Variants in VPS13D observed in about 807,000 individuals in gnomAD.
VPS13D encodes vacuolar protein sorting 13 homolog D, also known as intermembrane lipid transfer protein VPS13D.
In VPS13D, 187 loss-of-function variants were observed where a neutral mutation model predicts 461.9. That is an observed-to-expected ratio of 0.40 (90% CI 0.36 to 0.46). The LOEUF (loss-of-function observed/expected upper bound fraction) is 0.46, where lower values mean the gene tolerates loss of function less well. Ranked by LOEUF, VPS13D falls within the 20% of genes least tolerant of loss-of-function variation. The pLI is 0.60. For synonymous variants in VPS13D, 1,951 were observed against 1,986.3 expected (o/e 0.98, Z 0.47); for missense variants, 4,711 against 5,364.9 (o/e 0.88, Z 3.81).
chr1:12,248,325 G>GTTATTA (rs753982925), intron 5 of VPS13D, among the ~76,000 whole-genome samples: 29 of 150,822 alleles, frequency 1.9e-4, no homozygotes, highest in East Asian at 1.4e-3. Context: ...TTTACTTTCT[G>GTTATTA]TTATTATTAT....
At chr1:12,411,926 CTT>C (rs1405385207) in intron 63 of VPS13D, among the ~76,000 whole-genome samples, 1 of 152,220 alleles carries the variant, frequency 6.6e-6, no homozygotes, top group East Asian at 1.9e-4. Context: ...TCCAAGCTCT[CTT>C]GAGGCTCAGG....
At chr1:12,403,019 C>T (rs148520660) in intron 62 of VPS13D, among the ~76,000 whole-genome samples, 218 of 152,346 alleles carry the variant, frequency 1.4e-3, no homozygotes, top group Non-Finnish European at 2.6e-3. Context: ...GCTTCCTCAG[C>T]ATAAATGGGC....
intron 64 of VPS13D, among the ~76,000 whole-genome samples, chr1:12,416,133 C>T (rs565885011): frequency 5.9e-5 from 9 of 152,308 alleles, no homozygotes; most frequent in South Asian, 4.1e-4. Context: ...CAGTGAGCCA[C>T]GGTGATGCCA....
intron 16 of VPS13D, among the ~76,000 whole-genome samples, chr1:12,269,414 A>G (rs1641368543): frequency 6.6e-6 from 1 of 152,270 alleles, no homozygotes; most frequent in South Asian, 2.1e-4. Context: ...ATGTTCAGCC[A>G]GAATTGTAAC....
At chr1:12,430,626 G>C (rs1174560910) in intron 65 of VPS13D, among the ~76,000 whole-genome samples, 1 of 152,174 alleles carries the variant, frequency 6.6e-6, no homozygotes, top group Non-Finnish European at 1.5e-5. Flanking sequence ...TGGTGCCCAG[G>C]CTTCACAAAC....
chr1:12,288,433 T>A, intron 22 of VPS13D, 120 bp downstream of exon 22: 1 of 853,488 alleles, frequency 1.2e-6, no homozygotes. Flanking sequence ...TTGATTGTGG[T>A]TATTAGTCTG....
intron 10 of VPS13D, among the ~76,000 whole-genome samples, chr1:12,260,076 A>G (rs1266093095): frequency 8.1e-6 from 1 of 122,814 alleles, no homozygotes; most frequent in African/African-American, 3.0e-5. Flanking sequence ...CCCAGGCTGG[A>G]GTGCAGTGGC....
chr1:12,339,712 G>A (rs998130335), intron 40 of VPS13D, among the ~76,000 whole-genome samples: 1 of 152,162 alleles, frequency 6.6e-6, no homozygotes, highest in Non-Finnish European at 1.5e-5. Context: ...TTGGATTTGC[G>A]TGCATGCTGT....
At chr1:12,280,193 G>T (rs983858900) in intron 20 of VPS13D, among the ~76,000 whole-genome samples, 1 of 152,148 alleles carries the variant, frequency 6.6e-6, no homozygotes, top group East Asian at 1.9e-4. Context: ...AGAGCAAAGA[G>T]TAGTACATTA....
rs1157389199 is a variant in VPS13D at position 12,276,052 on chromosome 1, A to G, written c.2464A>G (p.Met822Val). The G allele has an allele frequency of 6.2e-7, 1 of 1,614,156 alleles. No individual in the cohort carries two copies. Among genetic ancestry groups the G allele is most frequent in the African/African-American group, 1.3e-5 (1 of 75,030 alleles). Residue 822 changes from methionine (M) to valine (V), a missense_variant, in exon 19 of 70, where the codon ATG (methionine) becomes GTG (valine). Met to Val is a conservative substitution (Grantham distance 21). Around this residue, in one of 3 missense-constraint regions of VPS13D, gnomAD observed 4,411 missense variants for 4,937.8 expected, o/e 0.89. Transcript: ENST00000620676. The surrounding 1 kb of genome is among the most constrained non-coding windows in gnomAD (Gnocchi z 4.5). Reference sequence around the variant, plus strand: ...GTATGAGAGGTACTCGCTGTCATTTATGGACCTCCAGATCATGGTTGGACG... The same window carrying G: ...GTATGAGAGGTACTCGCTGTCATTTGTGGACCTCCAGATCATGGTTGGACG... ...KMYERYSLSF[M>V]DLQIMVGRVK...
In VPS13D at chr1:12,346,760, G is replaced by A; in HGVS notation, c.9069+108G>A. 12 of 1,097,108 alleles carry A rather than the reference G, an allele frequency of 1.1e-5. No individual in the cohort carries two copies. In the South Asian group the frequency reaches 2.1e-4, roughly 19 times the overall value. The allele number at this position is 1,097,108 out of a possible 1,614,324, so 68.0% of individuals were successfully genotyped here. ...ATCAGAGAAACTTTATGACATATATGCGATTGAAATTTATCTCTGCCCTTT... is the reference window on the plus strand; with the variant it reads ...ATCAGAGAAACTTTATGACATATATACGATTGAAATTTATCTCTGCCCTTT... On this transcript the variant is annotated intron_variant, in intron 44 of 69. Coordinates refer to ENST00000620676, the MANE Select transcript of VPS13D (RefSeq NM_015378.4).
intron 67 of VPS13D, among the ~76,000 whole-genome samples, chr1:12,472,500 G>A (rs1645576781): frequency 6.6e-6 from 1 of 152,184 alleles, no homozygotes; most frequent in Admixed American, 6.5e-5. Flanking sequence ...AAATGCAGTG[G>A]AGGCCACCAT....
chr1:12,312,225 T>C (rs61422859), intron 29 of VPS13D, among the ~76,000 whole-genome samples: 10,114 of 152,256 alleles, frequency 0.066, 540 homozygotes, highest in Admixed American at 0.13. Context: ...CTGCTCTGCT[T>C]GTTGTAGTCG....
intron 65 of VPS13D, among the ~76,000 whole-genome samples, chr1:12,452,926 G>A (rs1269174790): frequency 6.6e-6 from 1 of 152,158 alleles, no homozygotes; most frequent in East Asian, 1.9e-4. Flanking sequence ...AATTTTTTAT[G>A]GACAGAGAAA....
intron 65 of VPS13D, among the ~76,000 whole-genome samples, chr1:12,435,272 A>C (rs946800796): frequency 6.6e-6 from 1 of 151,906 alleles, no homozygotes; most frequent in Non-Finnish European, 1.5e-5. Context: ...CAGCCTGGGC[A>C]ACATGACCAA....
intron 54 of VPS13D, among the ~76,000 whole-genome samples, chr1:12,371,032 A>G (rs1377238013): frequency 6.6e-6 from 1 of 152,248 alleles, no homozygotes; most frequent in Non-Finnish European, 1.5e-5. Context: ...AATGATGAGG[A>G]AGAATAGTTT....
chr1:12,292,867 T>C (rs1432426542), intron 23 of VPS13D, among the ~76,000 whole-genome samples: 1 of 152,166 alleles, frequency 6.6e-6, no homozygotes. Context: ...GATTTGTTTG[T>C]GTTCTATACC....
At chr1:12,413,899 C>T (rs768511454) in intron 63 of VPS13D, among the ~76,000 whole-genome samples, 14 of 151,964 alleles carry the variant, frequency 9.2e-5, no homozygotes, top group Admixed American at 3.3e-4. Context: ...AACTGTTTGG[C>T]AGAATATATT....
At chr1:12,389,461 T>C (rs560748054) in intron 60 of VPS13D, among the ~76,000 whole-genome samples, 1 of 152,264 alleles carries the variant, frequency 6.6e-6, no homozygotes, top group Admixed American at 6.5e-5. Flanking sequence ...CCAACCCAAA[T>C]ACTATTACAT....
Sources: gnomAD v4.1 joint callset for allele counts (sites outside exome capture counted in the v4.1 genomes callset) on GRCh38, gnomAD v4.1.1 for gene constraint, gnomAD v4.1.1 regional missense constraint, Gnocchi (gnomAD v3.1) non-coding constraint, MANE v1.5 for transcripts, NCBI Gene and HGNC (gene_info 2026-07-23, HGNC 2026-07-21) for gene names.